The following HNRNPC variants were observed in gnomAD, a reference collection of about 807,000 sequenced individuals.
HNRNPC encodes the protein heterogeneous nuclear ribonucleoproteins C1/C2.
In HNRNPC, 3 loss-of-function variants were observed where a neutral mutation model predicts 33.2. That is an observed-to-expected ratio of 0.09 (90% CI 0.04 to 0.23). The LOEUF is 0.23. Among genes scored for constraint, HNRNPC ranks in the 10% least tolerant of loss-of-function variants. The pLI, the probability that HNRNPC is intolerant of heterozygous loss-of-function variation, is 1.00. For missense variants in HNRNPC, 143 were observed against 366.7 expected, an observed-to-expected ratio of 0.39 and a Z score of 4.98; for synonymous variants, 121 against 126.7, an observed-to-expected ratio of 0.96 and a Z score of 0.30.
chr14:21,233,741 T>C (rs1894370435), intron 3 of HNRNPC, among the ~76,000 whole-genome samples: 1 of 152,102 alleles, frequency 6.6e-6, no homozygotes, highest in Non-Finnish European at 1.5e-5. Context: ...TGTAGTAGAG[T>C]TGTCCTAGCT....
chr14:21,211,006 G>A lies in HNRNPC; in HGVS notation c.*217C>T, dbSNP rs1325293704. 3.4e-5 allele frequency: 20 copies of A among 580,348 alleles called. No individual in the cohort carries two copies. The highest frequency in any genetic ancestry group is 2.8e-4 in the African/African-American group (15 of 53,486). 35.9% of individuals were successfully genotyped at this position (580,348 alleles called of 1,614,324 possible). On this transcript the variant is annotated 3_prime_UTR_variant, in exon 9 of 9. Transcript: ENST00000553300. ...CAAAATTAAAAGCAAAAATTACAGG[G>A]TAAGACTTAACAAAACTACTAGGAG...
rs77431413 is a variant in HNRNPC at position 21,261,182 on chromosome 14, A to G, written c.-37+2129T>C. On this transcript the variant is annotated intron_variant, in intron 2 of 8. Transcript: ENST00000553300. ...GATATGTGTTTACCTCTCATCATAT[A>G]TGGACATTATTTCATTCATGTGTCT... is the stretch of plus-strand genomic sequence containing the variant. Among the ~76,000 whole-genome samples the G allele has an allele frequency of 5.3e-3, 800 of 152,232 alleles. 8 individuals carry two copies. The highest frequency in any genetic ancestry group is 0.018 in the African/African-American group (740 of 41,498).
In HNRNPC at chr14:21,210,640, A is replaced by G. The variant is rs1891500591; in HGVS notation, c.*583T>C. The G allele has an allele frequency of 6.6e-6, 1 of 152,508 alleles. No homozygotes were observed. The highest frequency in any genetic ancestry group is 1.5e-5 in the Non-Finnish European group (1 of 68,024). The allele number at this position is 152,508 out of a possible 1,614,324, so 9.4% of individuals were successfully genotyped here. On this transcript the variant is annotated 3_prime_UTR_variant, in exon 9 of 9. Transcript: ENST00000553300. ...CAGGCTGTTCACAAAAATAACCCAC[A>G]GTATCAACTTTAGAAAACAAATCTT... is the stretch of plus-strand genomic sequence containing the variant.
chr14:21,236,430 G>T (rs902528223), intron 2 of HNRNPC: 1 of 152,074 alleles, frequency 6.6e-6, no homozygotes, highest in Non-Finnish European at 1.5e-5. Context: ...CTCACAATAC[G>T]GATTAATTCC....
chr14:21,212,048 A>C, intron 6 of HNRNPC, 125 bp from the exon 7 acceptor site: 1 of 720,882 alleles, frequency 1.4e-6, no homozygotes, highest in Non-Finnish European at 2.4e-6. Flanking sequence ...GAGCCAGTAC[A>C]GATTTCTCGG....
chr14:21,211,865 C>A lies in HNRNPC; in HGVS notation c.582G>T (p.Val194=). The A allele has an allele frequency of 1.2e-6, 2 of 1,613,284 alleles. No individual in the cohort carries two copies. The stretch of plus-strand genomic sequence containing the variant: ...TTTCCAGGTTTTCCAGGAGAGAATC[C>A]ACTTTTTGTTTTATCTGGGTCAGCT... ...KKELTQIKQK[V]DSLLENLEKI... The change falls in exon 7 of 9, where the codon GTG becomes GTT. Residue 194 remains valine (V), a synonymous_variant. Coordinates refer to ENST00000553300, the MANE Select transcript of HNRNPC (RefSeq NM_004500.4).
chr14:21,251,688 G>A (rs1400504646), intron 2 of HNRNPC, among the ~76,000 whole-genome samples: 1 of 151,762 alleles, frequency 6.6e-6, no homozygotes, highest in African/African-American at 2.4e-5. Context: ...AAAAAAAAAA[G>A]ACACACGTAT....
chr14:21,223,323 A>G (rs1312647708), intron 5 of HNRNPC, among the ~76,000 whole-genome samples: 1 of 152,146 alleles, frequency 6.6e-6, no homozygotes, highest in Non-Finnish European at 1.5e-5. Flanking sequence ...AGACCGCTCA[A>G]CTCAGTCATA....
intron 2 of HNRNPC, among the ~76,000 whole-genome samples, chr14:21,244,701 T>TA (rs1187669920): frequency 1.3e-5 from 2 of 152,168 alleles, no homozygotes; most frequent in African/African-American, 2.4e-5. Flanking sequence ...GTTAATGTCG[T>TA]AAGAGTGTAG....
At chr14:21,267,481 T>C (rs1200933939) in intron 1 of HNRNPC, among the ~76,000 whole-genome samples, 2 of 152,170 alleles carry the variant, frequency 1.3e-5, no homozygotes, top group African/African-American at 4.8e-5. Context: ...AAACGTAAGC[T>C]GTTTAAATTC....
chr14:21,239,808 A>C (rs931634016), intron 2 of HNRNPC, among the ~76,000 whole-genome samples: 1 of 151,780 alleles, frequency 6.6e-6, no homozygotes, highest in African/African-American at 2.4e-5. Flanking sequence ...CGTGAGGTGG[A>C]GGTTGCAGCG....
chr14:21,255,653 C>T (rs1010681032), intron 2 of HNRNPC, among the ~76,000 whole-genome samples: 5 of 152,106 alleles, frequency 3.3e-5, no homozygotes, highest in African/African-American at 1.2e-4. Flanking sequence ...AAGGAAAATA[C>T]TACCACATTG....
rs1877706805 is a variant in HNRNPC, at chr14:21,258,951, T to C, written c.-37+4360A>G. 2.0e-5 allele frequency among the ~76,000 whole-genome samples: 3 copies of C among 152,248 alleles called. No individual in the cohort carries two copies. The South Asian group carries it at 6.2e-4, about 32-fold the overall frequency. On this transcript the variant is annotated intron_variant, in intron 2 of 8. Coordinates refer to ENST00000553300, the MANE Select transcript of HNRNPC (RefSeq NM_004500.4). ...TACTTGCCCTCTTAGTTCTCATCAC[T>C]AATATTCCCTACACAACAGAAGATA... is the stretch of plus-strand genomic sequence containing the variant.
chr14:21,260,858 G>A (rs573659989), intron 2 of HNRNPC, among the ~76,000 whole-genome samples: 1 of 151,728 alleles, frequency 6.6e-6, no homozygotes, highest in South Asian at 2.1e-4. Context: ...AGCTACTCGG[G>A]AGGCTGAGGC....
chr14:21,241,253 G>A (rs1175674634), intron 2 of HNRNPC, among the ~76,000 whole-genome samples: 1 of 93,638 alleles, frequency 1.1e-5, no homozygotes, highest in Non-Finnish European at 2.2e-5. Context: ...GCAAGACTAT[G>A]TCTCAAAAAA....
chr14:21,252,609 G>A (rs915210849), intron 2 of HNRNPC, among the ~76,000 whole-genome samples: 1 of 152,180 alleles, frequency 6.6e-6, no homozygotes, highest in East Asian at 1.9e-4. Flanking sequence ...CACCATGCCA[G>A]GCCTCTAAAT....
intron 5 of HNRNPC, among the ~76,000 whole-genome samples, chr14:21,223,648 C>G (rs1893096739): frequency 6.6e-6 from 1 of 151,938 alleles, no homozygotes; most frequent in Non-Finnish European, 1.5e-5. Flanking sequence ...ACTCAGGAGG[C>G]TGAGGCAGGA....
intron 1 of HNRNPC, among the ~76,000 whole-genome samples, chr14:21,266,524 G>C (rs1351197591): frequency 6.6e-6 from 1 of 151,816 alleles, no homozygotes; most frequent in Non-Finnish European, 1.5e-5. Context: ...ACCTATGATA[G>C]TAAATGTACC....
At chr14:21,252,689 T>G (rs1896804205) in intron 2 of HNRNPC, among the ~76,000 whole-genome samples, 1 of 152,174 alleles carries the variant, frequency 6.6e-6, no homozygotes, top group Non-Finnish European at 1.5e-5. Context: ...GTCCTAATTC[T>G]TTTTAAAATA....
Sources: allele counts gnomAD v4.1 joint callset (sites outside exome capture counted in the v4.1 genomes callset), GRCh38; gene constraint gnomAD v4.1.1; transcripts MANE v1.5; gene names NCBI Gene and HGNC (gene_info 2026-07-23, HGNC 2026-07-21).